Variants in CPVL observed in about 807,000 individuals in gnomAD.
CPVL encodes the protein probable serine carboxypeptidase CPVL.
A neutral mutation model predicts 63.7 loss-of-function variants in CPVL; 51 were observed. That is an observed-to-expected ratio of 0.80 (90% CI 0.64 to 1.01). The LOEUF (loss-of-function observed/expected upper bound fraction) is 1.01, where lower values mean the gene tolerates loss of function less well. Among genes scored for constraint, CPVL ranks in the 50% least tolerant of loss-of-function variants. The probability of loss-of-function intolerance (pLI) is 0.00; values close to 1 mark genes in which losing one functional copy is unlikely to be tolerated. For synonymous variants in CPVL, 195 were observed against 206.0 expected, an observed-to-expected ratio of 0.95 and a Z score of 0.46; for missense variants, 530 against 573.1, an observed-to-expected ratio of 0.92 and a Z score of 0.77.
intron 11 of CPVL, among the ~76,000 whole-genome samples, chr7:29,037,294 C>T (rs944531414): frequency 2.6e-5 from 4 of 151,912 alleles, no homozygotes; most frequent in African/African-American, 7.3e-5. Flanking sequence ...CCTATAATCC[C>T]AGCACTTTGG....
At chr7:29,194,578 G>C (rs2128760027) in intron 1 of CPVL, 1 of 217,940 alleles carries the variant, frequency 4.6e-6, no homozygotes, top group East Asian at 9.7e-5. Context: ...GGAGCTGCCA[G>C]GACGCCCTGG....
chr7:29,103,556 T>C (rs1787428242), intron 3 of CPVL, among the ~76,000 whole-genome samples: 1 of 151,962 alleles, frequency 6.6e-6, no homozygotes. Flanking sequence ...CCCAGCCTCA[T>C]GATTGTGTTT....
rs1281302285 is a variant in CPVL, at chr7:29,064,105, G to T, written c.1093C>A (p.Gln365Lys). Residue 365 changes from glutamine (Q) to lysine (K), a missense_variant, in exon 11 of 13, where the codon CAG becomes AAG. By Grantham distance (53) the Gln-to-Lys change is moderately conservative. Coordinates refer to ENST00000265394, the MANE Select transcript of CPVL (RefSeq NM_031311.5). ...TCAGTTAACCATGGCTTAACTGACT[G>T]TACTGTATCTTCTCGCAAGTACTTT... ...VEKYLREDTVQSVKPWLTEIM... is the reference protein window; with the variant it reads ...VEKYLREDTVKSVKPWLTEIM... 6.2e-7 allele frequency: 1 copy of T among 1,612,888 alleles called. No homozygotes were observed.
intron 9 of CPVL, among the ~76,000 whole-genome samples, chr7:29,067,150 C>T (rs961975834): frequency 6.6e-6 from 1 of 152,002 alleles, no homozygotes; most frequent in African/African-American, 2.4e-5. Context: ...GGATCAGCTG[C>T]CAGCATTTTA....
chr7:29,030,468 T>C, intron 12 of CPVL, 109 bp downstream of exon 12: 1 of 1,007,686 alleles, frequency 9.9e-7, no homozygotes, highest in African/African-American at 1.6e-5. Context: ...ACACACTGGC[T>C]GTTGTATGGC....
chr7:29,047,119 C>G (rs1358023390), intron 11 of CPVL, among the ~76,000 whole-genome samples: 1 of 152,128 alleles, frequency 6.6e-6, no homozygotes, highest in Non-Finnish European at 1.5e-5. Context: ...TTATTGCATA[C>G]TACTATGTGC....
intron 5 of CPVL, 38 bp from the exon 6 acceptor site, chr7:29,092,740 A>C: frequency 7.0e-7 from 1 of 1,425,002 alleles, no homozygotes; most frequent in Non-Finnish European, 9.9e-7. Context: ...AAACACAGAG[A>C]AACACATGCC....
At chr7:29,131,166 G>A (rs375407798) in intron 1 of CPVL, among the ~76,000 whole-genome samples, 14 of 151,460 alleles carry the variant, frequency 9.2e-5, no homozygotes, top group African/African-American at 3.2e-4. Flanking sequence ...GTGAGACTCC[G>A]TCTCAAAAAA....
intron 7 of CPVL, 82 bp from the exon 8 acceptor site, chr7:29,072,505 A>G: frequency 6.8e-7 from 1 of 1,476,664 alleles, no homozygotes; most frequent in Non-Finnish European, 9.3e-7. Context: ...TAAAATAACA[A>G]TGAAGGAGCA....
intron 11 of CPVL, among the ~76,000 whole-genome samples, chr7:29,038,774 C>A (rs1188677411): frequency 3.3e-5 from 5 of 152,246 alleles, no homozygotes. Context: ...CAATCCAACA[C>A]TATCCATTTA....
Position 29,066,107 on chromosome 7 carries a change from T to C in CPVL, c.879A>G (p.Leu293=). 5 of 1,586,586 alleles carry C rather than the reference T, an allele frequency of 3.2e-6. No homozygotes were observed. Among genetic ancestry groups the C allele is most frequent in the Non-Finnish European group, 4.3e-6 (5 of 1,157,116 alleles). ...GATCACTTGTTAAGTCGCCATCTAG[T>C]AGTTTATCCAGTATCTAGGTTGGGA... ...WFEAFEILDK[L]LDGDLTSDPS... is the part of the protein sequence containing the mutation. The change falls in exon 10 of 13, where the codon CTA becomes CTG. Residue 293 remains leucine (L), a synonymous_variant. Transcript: ENST00000265394.
chr7:29,002,770 A>G (rs1280592887), intron 12 of CPVL, among the ~76,000 whole-genome samples: 1 of 151,900 alleles, frequency 6.6e-6, no homozygotes, highest in Non-Finnish European at 1.5e-5. Flanking sequence ...TGTTTTAGCA[A>G]TAGATTAGGC....
At chr7:29,057,094 G>C (rs1790819346) in intron 11 of CPVL, among the ~76,000 whole-genome samples, 1 of 151,620 alleles carries the variant, frequency 6.6e-6, no homozygotes, top group African/African-American at 2.4e-5. Flanking sequence ...ATGACTACAG[G>C]TGCACACCAC....
intron 5 of CPVL, among the ~76,000 whole-genome samples, chr7:29,174,924 A>G (rs1797090731): frequency 6.6e-6 from 1 of 152,120 alleles, no homozygotes. Flanking sequence ...AGAGAGAGAC[A>G]CAAAATAAAC....
intron 3 of CPVL, among the ~76,000 whole-genome samples, chr7:29,098,125 C>A (rs1005950814): frequency 5.9e-5 from 9 of 152,150 alleles, no homozygotes; most frequent in Non-Finnish European, 1.0e-4. Flanking sequence ...CTTGGCCTGG[C>A]TATACAGACA....
rs1275404883 is a variant in CPVL, at chr7:28,995,976, TCA to T, written c.1321-96_1321-95del. 29 of 705,320 alleles carry T rather than the reference TCA, an allele frequency of 4.1e-5. No homozygotes were observed. In the Admixed American group the frequency reaches 9.6e-4, roughly 23 times the overall value. The allele number at this position is 705,320 out of a possible 1,614,324, so 43.7% of individuals were successfully genotyped here. On this transcript the variant is annotated intron_variant, in intron 12 of 12. Coordinates refer to ENST00000265394, the MANE Select transcript of CPVL (RefSeq NM_031311.5). The stretch of plus-strand genomic sequence containing the variant: ...ATTCAGATTAAACTCTATTTAAAAC[TCA>T]CATGAAATACAGAACATATTCTCCC...
chr7:29,048,376 T>G (rs147225522), intron 11 of CPVL, among the ~76,000 whole-genome samples: 302 of 152,252 alleles, frequency 2.0e-3, no homozygotes, highest in African/African-American at 6.7e-3. Context: ...AGGCATTTCA[T>G]GCAAAGAGAC....
At position 29,058,301 on chromosome 7, in the gene CPVL, T is replaced by C. The variant is rs185437198; in HGVS notation, c.1137+5760A>G. Among the ~76,000 whole-genome samples, 641 of 152,268 alleles carry C rather than the reference T, an allele frequency of 4.2e-3. 7 individuals carry two copies. The highest frequency in any genetic ancestry group is 0.01 in the Middle Eastern group (3 of 294). On this transcript the variant is annotated intron_variant, in intron 11 of 12. Transcript: ENST00000265394. Reference sequence around the variant, plus strand: ...GGTGCTAATGTAAATAGTCCTGTGTTTTAATTTCAAATTTCACTTGTTTAT... The same window carrying C: ...GGTGCTAATGTAAATAGTCCTGTGTCTTAATTTCAAATTTCACTTGTTTAT...
chr7:29,027,571 C>T (rs1288074924), intron 12 of CPVL, among the ~76,000 whole-genome samples: 1 of 152,106 alleles, frequency 6.6e-6, no homozygotes, highest in African/African-American at 2.4e-5. Context: ...ATCTTTTATA[C>T]AGAAAAAACT....
Sources: allele counts gnomAD v4.1 joint callset (sites outside exome capture counted in the v4.1 genomes callset), GRCh38; gene constraint gnomAD v4.1.1; transcripts MANE v1.5; gene names NCBI Gene and HGNC (gene_info 2026-07-23, HGNC 2026-07-21).